BPNT1: variants seen among roughly 807,000 people sequenced by gnomAD.
BPNT1 encodes 3'(2'),5'-bisphosphate nucleotidase 1.
In BPNT1, 28 loss-of-function variants were observed where a neutral mutation model predicts 36.9. The ratio of observed to expected loss-of-function variants is 0.76; its 90% CI spans 0.56 to 1.04. BPNT1 has a LOEUF of 1.04. BPNT1 is among the 50% of genes least tolerant of loss of function. The pLI is 0.00. For missense variants in BPNT1, 313 were observed against 372.9 expected (o/e 0.84, Z 1.32); for synonymous variants, 119 against 130.9 (o/e 0.91, Z 0.62).
At chr1:220,085,662 C>T (rs886862972) in intron 1 of BPNT1, among the ~76,000 whole-genome samples, 2 of 152,186 alleles carry the variant, frequency 1.3e-5, no homozygotes, top group African/African-American at 4.8e-5. Flanking sequence ...TGTAGTTTCT[C>T]CAACAGTATT....
At chr1:220,062,555 T>A (rs951342194) in intron 7 of BPNT1, among the ~76,000 whole-genome samples, 30 of 152,242 alleles carry the variant, frequency 2.0e-4, no homozygotes, top group African/African-American at 6.7e-4. Flanking sequence ...GTTGGACATT[T>A]GGGTTGGTTC....
intron 6 of BPNT1, among the ~76,000 whole-genome samples, chr1:220,065,187 T>G (rs759030972): frequency 3.9e-5 from 6 of 152,164 alleles, no homozygotes; most frequent in Non-Finnish European, 7.3e-5. Flanking sequence ...ACGAATATTT[T>G]GGGCCCTACA....
At position 220,057,863 on chromosome 1, in the gene BPNT1, A is replaced by C. The variant is rs1035215797; in HGVS notation, c.*981T>G. The C allele has an allele frequency of 3.1e-6, 4 of 1,303,380 alleles. No individual in the cohort carries two copies. In the African/African-American group the frequency reaches 6.1e-5, roughly 20 times the overall value. The allele number at this position is 1,303,380 out of a possible 1,614,324, so 80.7% of individuals were successfully genotyped here. A position where few individuals can be genotyped will look rare whatever the true frequency, so the allele number is the denominator to read the frequency against. On this transcript the variant is annotated 3_prime_UTR_variant, in exon 9 of 9. Transcript: ENST00000322067. ...CTGTGAAAAACAAGAGTGAGATTCC[A>C]GAAAAAATTGTGCCCTAAAGAAATC...
At chr1:220,063,316 C>G (rs953843853) in intron 6 of BPNT1, among the ~76,000 whole-genome samples, 1 of 152,166 alleles carries the variant, frequency 6.6e-6, no homozygotes, top group Non-Finnish European at 1.5e-5. Context: ...CCACTACACT[C>G]CAGTCTGGGC....
intron 1 of BPNT1, among the ~76,000 whole-genome samples, chr1:220,082,085 T>TATATATATATATATATATAG (rs1171093697): frequency 9.7e-6 from 1 of 103,296 alleles, no homozygotes; most frequent in African/African-American, 3.8e-5. Flanking sequence ...TATATATATA[T>TATATATATATATATATATAG]AGAGAGAGAG....
At position 220,074,101 on chromosome 1, in the gene BPNT1, G is replaced by A. The variant is rs569073511; in HGVS notation, c.121-30C>T. The A allele has an allele frequency of 2.6e-5, 42 of 1,592,858 alleles. No homozygotes were observed. The South Asian group carries it at 4.4e-4, about 17-fold the overall frequency. ...AATAAAGAATGCAAATTTTAGCAGA[G>A]CTAATGAAAAATAAGTTGTCCTCTG... is the stretch of plus-strand genomic sequence containing the variant. On this transcript the variant is annotated intron_variant, in intron 2 of 8. Coordinates refer to ENST00000322067, the MANE Select transcript of BPNT1 (RefSeq NM_006085.6).
chr1:220,063,048 T>A, intron 6 of BPNT1, 94 bp from the exon 7 acceptor site: 2 of 1,370,548 alleles, frequency 1.5e-6, no homozygotes, highest in South Asian at 1.2e-5. Flanking sequence ...CATCATGATT[T>A]AAAAAATAAA....
At chr1:220,068,756 G>A (rs1035907229) in intron 5 of BPNT1, among the ~76,000 whole-genome samples, 1 of 152,164 alleles carries the variant, frequency 6.6e-6, no homozygotes, top group African/African-American at 2.4e-5. Flanking sequence ...GTTGCAGTGA[G>A]CCGAGATGGT....
intron 2 of BPNT1, among the ~76,000 whole-genome samples, chr1:220,076,778 C>T (rs951579750): frequency 6.6e-6 from 1 of 151,262 alleles, no homozygotes; most frequent in Non-Finnish European, 1.5e-5. Context: ...TTGGTTATTA[C>T]CAAGCATGTC....
chr1:220,087,667 A>C lies in BPNT1; in HGVS notation c.-9+2019T>G, dbSNP rs531309777. 2.0e-5 allele frequency among the ~76,000 whole-genome samples: 3 copies of C among 152,334 alleles called. No individual in the cohort carries two copies. In the East Asian group the frequency reaches 5.8e-4, roughly 29 times the overall value. ...CAAAATGAGAAAAAAATATTGTATC[A>C]CATACCAGACAAATGACTTAATTTG... On this transcript the variant is annotated intron_variant, in intron 1 of 8. Transcript: ENST00000322067.
chr1:220,072,725 T>C (rs1337184455), intron 4 of BPNT1, 125 bp downstream of exon 4: 6 of 694,718 alleles, frequency 8.6e-6, no homozygotes, highest in Non-Finnish European at 1.5e-5. Flanking sequence ...CTCTGAAAGA[T>C]ATCAAGTTTC....
chr1:220,070,460 C>T (rs1663960974), intron 4 of BPNT1, among the ~76,000 whole-genome samples: 2 of 152,086 alleles, frequency 1.3e-5, no homozygotes, highest in Admixed American at 6.5e-5. Context: ...ATTCTCCTGC[C>T]TCAGCCTCCC....
intron 1 of BPNT1, among the ~76,000 whole-genome samples, chr1:220,084,737 A>C (rs1402158565): frequency 6.6e-6 from 1 of 152,250 alleles, no homozygotes; most frequent in African/African-American, 2.4e-5. Context: ...AAAAACTTTC[A>C]GGCATTGTCT....
intron 5 of BPNT1, 128 bp downstream of exon 5, chr1:220,069,256 T>C (rs1663825782): frequency 4.7e-6 from 3 of 640,956 alleles, no homozygotes; most frequent in Non-Finnish European, 2.5e-6. Context: ...AGCACAAATA[T>C]AGCTTTAGGG....
chr1:220,062,767 G>A lies in BPNT1; in HGVS notation c.662C>T (p.Ala221Val), dbSNP rs17856552. The A allele has an allele frequency of 6.4e-5, 104 of 1,614,110 alleles. 1 individual carries two copies. The South Asian group carries it at 1.0e-3, about 16-fold the overall frequency. Residue 221 changes from alanine to valine, a missense_variant, in exon 7 of 9, where the codon GCA (alanine) becomes GTA (valine). By Grantham distance (64) the Ala-to-Val change is moderately conservative (BLOSUM62 0). Coordinates refer to ENST00000322067, the MANE Select transcript of BPNT1 (RefSeq NM_006085.6). ...NPDAVLRVGGAGNKIIQLIEG... is the reference protein window; with the variant it reads ...NPDAVLRVGGVGNKIIQLIEG... The stretch of plus-strand genomic sequence containing the variant: ...AGACATTTTTCATACCTTATTTCCT[G>A]CTCCTCCTACTCGCAGCACAGCATC...
Position 220,067,420 on chromosome 1 carries a change from A to G in BPNT1, c.383-27T>C, listed in dbSNP as rs1173390093. On this transcript the variant is annotated intron_variant, in intron 5 of 8. Transcript: ENST00000322067. Reference sequence around the variant, plus strand: ...TGCAAAGAAGAAATAAATATCAGTTATATAACTTGCTCATATTATGACTCA... The same window carrying G: ...TGCAAAGAAGAAATAAATATCAGTTGTATAACTTGCTCATATTATGACTCA... 2.0e-6 allele frequency: 3 copies of G among 1,526,418 alleles called. No individual in the cohort carries two copies. The Admixed American group carries it at 5.3e-5, about 27-fold the overall frequency. 94.6% of individuals were successfully genotyped at this position (1,526,418 alleles called of 1,614,324 possible).
chr1:220,064,128 GATTA>G (rs1209470184), intron 6 of BPNT1, among the ~76,000 whole-genome samples: 2 of 152,198 alleles, frequency 1.3e-5, no homozygotes, highest in South Asian at 2.1e-4. Context: ...TTAATTTAAA[GATTA>G]GAAAAATGAA....
intron 1 of BPNT1, among the ~76,000 whole-genome samples, chr1:220,085,866 TG>T (rs1288491932): frequency 1.3e-5 from 2 of 152,216 alleles, no homozygotes; most frequent in Non-Finnish European, 2.9e-5. Flanking sequence ...TTCAGAAGGA[TG>T]GAAAAAAACA....
intron 1 of BPNT1, among the ~76,000 whole-genome samples, chr1:220,084,107 T>C (rs1481134039): frequency 2.0e-5 from 3 of 151,868 alleles, no homozygotes; most frequent in African/African-American, 7.3e-5. Flanking sequence ...CCGAGGTGGG[T>C]GGATCACGAG....
Sources: allele counts gnomAD v4.1 joint callset (sites outside exome capture counted in the v4.1 genomes callset), GRCh38; gene constraint gnomAD v4.1.1; transcripts MANE v1.5; gene names NCBI Gene and HGNC (gene_info 2026-07-23, HGNC 2026-07-21).